Variants in KLF8 observed in about 807,000 individuals in gnomAD.
KLF8 encodes the protein Krueppel-like factor 8.
Under a neutral mutation model 18.2 loss-of-function variants are expected in KLF8, and 10 were observed. The observed-to-expected ratio is 0.55, with a 90% CI of 0.34 to 0.93. KLF8 has a LOEUF of 0.93. KLF8 is among the 40% of genes least tolerant of loss of function. KLF8 has a pLI of 0.02. For missense variants in KLF8, 264 were observed against 277.9 expected (o/e 0.95, Z 0.36); for synonymous variants, 109 against 97.3 (o/e 1.12, Z -0.71).
chrX:55,949,897 A>T, the KLF8 span, among the ~76,000 whole-genome samples: 3 of 111,629 alleles, frequency 2.7e-5, no homozygotes, highest in Non-Finnish European at 5.6e-5. Context: ...TAAGGTGAAT[A>T]TGGGAAAAGT....
the KLF8 span, among the ~76,000 whole-genome samples, chrX:55,940,532 ATCAG>A: frequency 9.0e-6 from 1 of 111,665 alleles, no homozygotes; most frequent in Non-Finnish European, 1.9e-5. Context: ...GGCCAGGACA[ATCAG>A]TCAGGAGAAA....
the KLF8 span, among the ~76,000 whole-genome samples, chrX:56,138,648 G>A: frequency 1.8e-5 from 2 of 110,662 alleles, no homozygotes; most frequent in Admixed American, 9.7e-5. Context: ...AACTAATTAG[G>A]CATTGAAGGA....
the KLF8 span, among the ~76,000 whole-genome samples, chrX:56,060,263 A>C: frequency 1.8e-4 from 20 of 111,861 alleles, no homozygotes; most frequent in African/African-American, 6.2e-4. Flanking sequence ...GTCTTGTACC[A>C]GTTTTCAAAG....
intron 1 of KLF8, among the ~76,000 whole-genome samples, chrX:56,240,260 A>T (rs1477369550): frequency 1.8e-5 from 2 of 112,169 alleles, no homozygotes; most frequent in Non-Finnish European, 3.8e-5. Flanking sequence ...CTCTTCTAGG[A>T]TGCCTTGTCT....
the KLF8 span, among the ~76,000 whole-genome samples, chrX:56,158,271 C>G: frequency 8.9e-6 from 1 of 111,783 alleles, no homozygotes; most frequent in Non-Finnish European, 1.9e-5. Context: ...GTACCAGTAC[C>G]ATGCTGTTTT....
At chrX:56,088,588 A>G in the KLF8 span, among the ~76,000 whole-genome samples, 1 of 111,344 alleles carries the variant, frequency 9.0e-6, no homozygotes, top group Non-Finnish European at 1.9e-5. Context: ...ATTACCTGAT[A>G]TTTTCCCAAA....
the KLF8 span, among the ~76,000 whole-genome samples, chrX:56,014,497 G>A: frequency 3.6e-5 from 4 of 112,180 alleles, no homozygotes; most frequent in South Asian, 3.7e-4. Context: ...GCAAGACTGC[G>A]GAGAAGAAGG....
At chrX:56,168,837 T>C in the KLF8 span, among the ~76,000 whole-genome samples, 1 of 111,371 alleles carries the variant, frequency 9.0e-6, no homozygotes, top group African/African-American at 3.3e-5. Flanking sequence ...TCATCCTTTT[T>C]TATGGCTGCA....
chrX:55,937,669 A>G, the KLF8 span, among the ~76,000 whole-genome samples: 1 of 112,417 alleles, frequency 8.9e-6, no homozygotes, highest in Non-Finnish European at 1.9e-5. Context: ...CAATGCAGAG[A>G]AATACCTAAA....
At chrX:56,129,243 G>A in the KLF8 span, among the ~76,000 whole-genome samples, 36 of 112,358 alleles carry the variant, frequency 3.2e-4, no homozygotes, top group African/African-American at 1.1e-3. Context: ...TTCACTCAAA[G>A]AACTACTGCA....
At chrX:55,916,185 C>T in the KLF8 span, among the ~76,000 whole-genome samples, 1 of 111,981 alleles carries the variant, frequency 8.9e-6, no homozygotes, top group Non-Finnish European at 1.9e-5. Flanking sequence ...AACACCTTTG[C>T]TAATCAAAGA....
At chrX:55,950,132 A>G in the KLF8 span, among the ~76,000 whole-genome samples, 1 of 111,322 alleles carries the variant, frequency 9.0e-6, no homozygotes, top group African/African-American at 3.3e-5. Context: ...AATAGTCATT[A>G]TGTCCTTCTG....
At chrX:55,953,040 A>C in the KLF8 span, among the ~76,000 whole-genome samples, 1 of 111,479 alleles carries the variant, frequency 9.0e-6, no homozygotes, top group Non-Finnish European at 1.9e-5. Context: ...TCATCATCAA[A>C]GATTACATTT....
the KLF8 span, among the ~76,000 whole-genome samples, chrX:56,070,580 C>T: frequency 2.7e-5 from 3 of 111,056 alleles, no homozygotes; most frequent in Non-Finnish European, 5.7e-5. Context: ...CCAAACACTA[C>T]ATGTTCTCAC....
At chrX:55,941,270 A>G in the KLF8 span, among the ~76,000 whole-genome samples, 1 of 112,342 alleles carries the variant, frequency 8.9e-6, no homozygotes, top group African/African-American at 3.2e-5. Context: ...GTAATGGGGA[A>G]AGGATTCCCT....
At chrX:56,161,767 A>T in the KLF8 span, among the ~76,000 whole-genome samples, 50 of 111,098 alleles carry the variant, frequency 4.5e-4, no homozygotes, top group African/African-American at 1.3e-3. Flanking sequence ...TCTGCTCTCA[A>T]CTCGTCAAAG....
At chrX:56,140,747 C>T in the KLF8 span, among the ~76,000 whole-genome samples, 2 of 100,779 alleles carry the variant, frequency 2.0e-5, no homozygotes, top group Admixed American at 2.2e-4. Flanking sequence ...GTACTAGCTC[C>T]ACATAAAATA....
the KLF8 span, among the ~76,000 whole-genome samples, chrX:56,160,824 G>T: frequency 9.0e-6 from 1 of 111,191 alleles, no homozygotes; most frequent in Non-Finnish European, 1.9e-5. Flanking sequence ...GCACACTGAT[G>T]GGTCTTGACT....
At chrX:55,988,718 G>GT in the KLF8 span, among the ~76,000 whole-genome samples, 12 of 111,571 alleles carry the variant, frequency 1.1e-4, no homozygotes, top group Admixed American at 9.6e-4. Context: ...CTTTAAAGTA[G>GT]TTTTTTCCAA....
Sources: gnomAD v4.1 joint callset for allele counts (sites outside exome capture counted in the v4.1 genomes callset) on GRCh38, gnomAD v4.1.1 for gene constraint, MANE v1.5 for transcripts, NCBI Gene and HGNC (gene_info 2026-07-23, HGNC 2026-07-21) for gene names.